The following CACNB4 variants were observed in gnomAD, a reference collection of about 807,000 sequenced individuals.
The protein encoded by CACNB4 is calcium voltage-gated channel auxiliary subunit beta 4.
Under a neutral mutation model 71.2 loss-of-function variants are expected in CACNB4, and 32 were observed. The observed-to-expected ratio is 0.45, with a 90% CI of 0.34 to 0.60. CACNB4 has a LOEUF of 0.60. CACNB4 is among the 20% of genes least tolerant of loss of function. The probability of loss-of-function intolerance (pLI) is 0.01; values close to 1 mark genes in which losing one functional copy is unlikely to be tolerated. For synonymous variants in CACNB4, 231 were observed against 236.9 expected (o/e 0.97, Z 0.23); for missense variants, 464 against 647.9 (o/e 0.72, Z 3.08).
intron 2 of CACNB4, among the ~76,000 whole-genome samples, chr2:151,891,860 G>C (rs1426508005): frequency 6.6e-6 from 1 of 152,140 alleles, no homozygotes. Context: ...AACAACATGG[G>C]ACACTGAGCA....
intron 2 of CACNB4, among the ~76,000 whole-genome samples, chr2:151,956,320 T>C (rs2099868244): frequency 6.6e-6 from 1 of 152,210 alleles, no homozygotes. Context: ...GATGAATGGA[T>C]AAAATGTGAT....
chr2:152,076,673 T>A (rs1444513998), intron 2 of CACNB4, among the ~76,000 whole-genome samples: 1 of 152,198 alleles, frequency 6.6e-6, no homozygotes. Context: ...TGTCTATCCT[T>A]GTGTAATACC....
At chr2:151,919,769 G>A (rs901952329) in intron 2 of CACNB4, among the ~76,000 whole-genome samples, 4 of 152,026 alleles carry the variant, frequency 2.6e-5, no homozygotes, top group African/African-American at 9.7e-5. Context: ...CCAGGATCTA[G>A]CCATGCCAAA....
chr2:152,085,174 G>A (rs1687588118), intron 2 of CACNB4, among the ~76,000 whole-genome samples: 1 of 152,056 alleles, frequency 6.6e-6, no homozygotes, highest in African/African-American at 2.4e-5. Flanking sequence ...GAAAGCAGGG[G>A]TTACGTCCAA....
intron 2 of CACNB4, among the ~76,000 whole-genome samples, chr2:151,966,269 T>C (rs759539272): frequency 9.2e-6 from 1 of 109,076 alleles, no homozygotes; most frequent in African/African-American, 2.6e-5. Flanking sequence ...CTTTCTTTCT[T>C]TCTTTTTCTT....
chr2:152,038,125 G>A (rs35478891), intron 2 of CACNB4, among the ~76,000 whole-genome samples: 38,913 of 152,152 alleles, frequency 0.26, 6,975 homozygotes, highest in East Asian at 0.73. Flanking sequence ...GCAGGAGGTG[G>A]GGGTAGCTTT....
intron 2 of CACNB4, among the ~76,000 whole-genome samples, chr2:151,980,804 C>G (rs775610702): frequency 6.6e-6 from 1 of 152,198 alleles, no homozygotes; most frequent in Non-Finnish European, 1.5e-5. Context: ...CAGATTCTTA[C>G]GAACTAAATA....
At chr2:151,874,990 A>C in intron 5 of CACNB4, 1 of 399,830 alleles carries the variant, frequency 2.5e-6, no homozygotes, top group Non-Finnish European at 4.4e-6. Context: ...AGAAGGTACT[A>C]TCAGTGCCGG....
At chr2:152,050,959 A>G (rs75486097) in intron 2 of CACNB4, among the ~76,000 whole-genome samples, 7,902 of 151,852 alleles carry the variant, frequency 0.052, 666 homozygotes, top group African/African-American at 0.18. Context: ...TATTGACACA[A>G]GGTTTCACCA....
chr2:151,841,566 C>A (rs144224166), intron 13 of CACNB4: 1 of 252,020 alleles, frequency 4.0e-6, no homozygotes, highest in South Asian at 4.9e-5. Context: ...CCAGCCTGAA[C>A]AACAGAGTGA....
At chr2:151,899,666 C>T (rs2099852905) in intron 2 of CACNB4, among the ~76,000 whole-genome samples, 1 of 152,208 alleles carries the variant, frequency 6.6e-6, no homozygotes, top group African/African-American at 2.4e-5. Context: ...TCGCTAGGTA[C>T]TAGGTACCCC....
intron 2 of CACNB4, chr2:151,973,456 C>G: frequency 1.7e-6 from 1 of 576,622 alleles, no homozygotes; most frequent in Non-Finnish European, 3.1e-6. Flanking sequence ...TGCCATCACC[C>G]TAATTTCTTT....
intron 2 of CACNB4, among the ~76,000 whole-genome samples, chr2:152,097,752 TC>T: frequency 6.6e-6 from 1 of 152,082 alleles, no homozygotes; most frequent in Middle Eastern, 3.2e-3. Flanking sequence ...CTTCGTTAAT[TC>T]CTATTTAACC....
At chr2:151,994,073 G>A (rs1172868897) in intron 2 of CACNB4, among the ~76,000 whole-genome samples, 3 of 151,844 alleles carry the variant, frequency 2.0e-5, no homozygotes, top group Non-Finnish European at 4.4e-5. Flanking sequence ...TTGGGAGGCT[G>A]AGGTAGGAGA....
chr2:152,062,140 A>G (rs1311045412), intron 2 of CACNB4, among the ~76,000 whole-genome samples: 2 of 151,988 alleles, frequency 1.3e-5, no homozygotes, highest in Non-Finnish European at 2.9e-5. Flanking sequence ...CTTTCTATGT[A>G]CCTTATTGTG....
At chr2:151,955,314 A>C (rs2099867972) in intron 2 of CACNB4, among the ~76,000 whole-genome samples, 2 of 152,194 alleles carry the variant, frequency 1.3e-5, no homozygotes, top group South Asian at 4.1e-4. Context: ...TCATCCACTC[A>C]TTCAATATTA....
intron 2 of CACNB4, among the ~76,000 whole-genome samples, chr2:151,907,119 G>A (rs535645563): frequency 1.3e-5 from 2 of 151,836 alleles, no homozygotes; most frequent in East Asian, 1.9e-4. Context: ...TACTGAATGA[G>A]AAAACATGGA....
chr2:151,859,852 A>C (rs2099841199), intron 10 of CACNB4: 1 of 152,214 alleles, frequency 6.6e-6, no homozygotes, highest in African/African-American at 2.4e-5. Flanking sequence ...GTGGGTTCTT[A>C]ATGTGATGTT....
At position 151,924,073 on chromosome 2, in the gene CACNB4, C is replaced by CTT. The variant is rs59036016; in HGVS notation, c.148-40705_148-40704dup. Among the ~76,000 whole-genome samples the CTT allele has an allele frequency of 7.7e-3, 700 of 91,426 alleles. 33 individuals are homozygous for CTT. Among genetic ancestry groups the CTT allele is most frequent in the African/African-American group, 0.022 (527 of 23,814 alleles). 60.0% of individuals were successfully genotyped at this position (91,426 alleles called of 152,430 possible). ...ACGTGCGTGTAATCTATTCTGAAAT[C>CTT]TTTTTTTTTTTTTTTTTTTTTTTGA... is the stretch of plus-strand genomic sequence containing the variant. On this transcript the variant is annotated intron_variant, in intron 2 of 13. Transcript: ENST00000539935.
Sources: gnomAD v4.1 joint callset for allele counts (sites outside exome capture counted in the v4.1 genomes callset) on GRCh38, gnomAD v4.1.1 for gene constraint, MANE v1.5 for transcripts, NCBI Gene and HGNC (gene_info 2026-07-23, HGNC 2026-07-21) for gene names.